Variants in ADGRL3 observed in about 807,000 individuals in gnomAD.
ADGRL3 encodes the protein calcium-independent alpha-latrotoxin receptor 3.
Under a neutral mutation model 153.5 loss-of-function variants are expected in ADGRL3, and 62 were observed. The ratio of observed to expected loss-of-function variants is 0.40; its 90% CI spans 0.33 to 0.50. ADGRL3 has a LOEUF of 0.50. Ranked by LOEUF, ADGRL3 falls within the 20% of genes least tolerant of loss-of-function variation. The probability of loss-of-function intolerance (pLI) is 0.47; values close to 1 mark genes in which losing one functional copy is unlikely to be tolerated. For synonymous variants in ADGRL3, 710 were observed against 672.5 expected, an observed-to-expected ratio of 1.06 and a Z score of -0.86; for missense variants, 1,641 against 1,859.4, an observed-to-expected ratio of 0.88 and a Z score of 2.16.
intron 1 of ADGRL3, among the ~76,000 whole-genome samples, chr4:61,301,817 A>T (rs1177660775): frequency 1.3e-5 from 2 of 152,178 alleles, no homozygotes; most frequent in African/African-American, 4.8e-5. Context: ...AAAAGAACAT[A>T]AAAAATTGTA....
At chr4:61,756,182 G>A (rs1279681225) in intron 8 of ADGRL3, among the ~76,000 whole-genome samples, 3 of 152,122 alleles carry the variant, frequency 2.0e-5, no homozygotes, top group Non-Finnish European at 4.4e-5. Context: ...TGATGGGGAT[G>A]GCGTTGAATC....
chr4:61,222,554 C>G (rs1283709729), intron 1 of ADGRL3, among the ~76,000 whole-genome samples: 1 of 152,034 alleles, frequency 6.6e-6, no homozygotes, highest in Non-Finnish European at 1.5e-5. Context: ...GAAAACAACT[C>G]TGGACTAACA....
At chr4:61,555,241 GC>G (rs1253005254) in intron 4 of ADGRL3, among the ~76,000 whole-genome samples, 1 of 152,072 alleles carries the variant, frequency 6.6e-6, no homozygotes, top group African/African-American at 2.4e-5. Flanking sequence ...TTTGGGGATG[GC>G]ATATTTTGAT....
At position 61,677,453 on chromosome 4, in the gene ADGRL3, T is replaced by C. The variant is rs763844761; in HGVS notation, c.583+518T>C. The C allele has an allele frequency of 6.6e-5, 21 of 320,446 alleles. No homozygotes were observed. In the Middle Eastern group the frequency reaches 1.9e-3, roughly 29 times the overall value. 19.9% of individuals were successfully genotyped at this position (320,446 alleles called of 1,614,324 possible). ...GAAGTACTCTTCAGACTATATGTTT[T>C]ACAGCTTCAAGAAGTATGTCTTTGC... On this transcript the variant is annotated intron_variant, in intron 6 of 26. Coordinates refer to ENST00000683033, the MANE Select transcript of ADGRL3 (RefSeq NM_001387552.1).
In ADGRL3 at chr4:62,034,952, C is replaced by G. The variant is rs920028749; in HGVS notation, c.3592-2779C>G. Among the ~76,000 whole-genome samples, 24 of 151,894 alleles carry G rather than the reference C, an allele frequency of 1.6e-4. 1 individual carries two copies. The highest frequency in any genetic ancestry group is 6.8e-3 in the Middle Eastern group (2 of 294). ...TATTCTCTTTCCTGTCTTCTATATT[C>G]TAGAACAGCATCACACTAAAATAGG... On this transcript the variant is annotated intron_variant, in intron 23 of 26. Transcript: ENST00000683033.
chr4:62,004,040 A>G (rs192320147), intron 21 of ADGRL3, among the ~76,000 whole-genome samples: 2 of 152,112 alleles, frequency 1.3e-5, no homozygotes, highest in Admixed American at 1.3e-4. Context: ...TTTAAGAAAC[A>G]TGTGTCTAAA....
At chr4:62,042,239 T>G (rs774477439) in intron 24 of ADGRL3, among the ~76,000 whole-genome samples, 1 of 151,888 alleles carries the variant, frequency 6.6e-6, no homozygotes, top group Non-Finnish European at 1.5e-5. Context: ...CATTAAATAT[T>G]AGACATTAAA....
chr4:61,806,234 C>T (rs937958220), intron 8 of ADGRL3, among the ~76,000 whole-genome samples: 1 of 151,988 alleles, frequency 6.6e-6, no homozygotes, highest in Non-Finnish European at 1.5e-5. Context: ...ATTTAGGTTA[C>T]TATTCCAATA....
chr4:62,047,396 C>A (rs1278582023), intron 25 of ADGRL3, among the ~76,000 whole-genome samples: 1 of 152,044 alleles, frequency 6.6e-6, no homozygotes, highest in Admixed American at 6.6e-5. Flanking sequence ...CAATCATTAT[C>A]ATCTTTAGGA....
At chr4:61,606,643 T>C (rs1187940901) in intron 5 of ADGRL3, among the ~76,000 whole-genome samples, 1 of 152,158 alleles carries the variant, frequency 6.6e-6, no homozygotes, top group Admixed American at 6.6e-5. Flanking sequence ...TCTTCAAATA[T>C]AGTCACATTG....
chr4:61,691,358 G>A (rs1304626648), intron 6 of ADGRL3, among the ~76,000 whole-genome samples: 4 of 152,104 alleles, frequency 2.6e-5, no homozygotes. Context: ...TGAAGATCTA[G>A]GACTGATAGG....
At chr4:61,370,822 C>G (rs1484152726) in intron 1 of ADGRL3, among the ~76,000 whole-genome samples, 1 of 152,068 alleles carries the variant, frequency 6.6e-6, no homozygotes, top group African/African-American at 2.4e-5. Flanking sequence ...CTAATATTGA[C>G]AGTGGGATGT....
At chr4:61,935,162 G>A (rs2098832926) in intron 14 of ADGRL3, 139 bp downstream of exon 14, 1 of 696,116 alleles carries the variant, frequency 1.4e-6, no homozygotes, top group Non-Finnish European at 2.4e-6. Flanking sequence ...CTAAAATAAA[G>A]AGGGCATCAC....
intron 21 of ADGRL3, among the ~76,000 whole-genome samples, chr4:62,006,053 A>AG (rs578080568): frequency 4.5e-5 from 5 of 111,312 alleles, no homozygotes; most frequent in Admixed American, 9.7e-5. Context: ...TTTTTGAGAA[A>AG]GGGTTTTGCT....
intron 24 of ADGRL3, among the ~76,000 whole-genome samples, chr4:62,041,433 TA>T (rs1385873731): frequency 2.6e-5 from 4 of 152,090 alleles, no homozygotes; most frequent in Non-Finnish European, 4.4e-5. Flanking sequence ...TGCTTTTTAT[TA>T]TATAATATTT....
At chr4:61,388,187 G>C (rs540858997) in intron 2 of ADGRL3, among the ~76,000 whole-genome samples, 1 of 152,232 alleles carries the variant, frequency 6.6e-6, no homozygotes, top group African/African-American at 2.4e-5. Context: ...AGTCAATAGA[G>C]GACCTTGGGC....
intron 9 of ADGRL3, among the ~76,000 whole-genome samples, chr4:61,857,055 TCC>T (rs1353690589): frequency 2.7e-5 from 4 of 150,156 alleles, no homozygotes; most frequent in Non-Finnish European, 5.9e-5. Flanking sequence ...TCTCCCTCCC[TCC>T]CTCTCTCTCT....
intron 17 of ADGRL3, among the ~76,000 whole-genome samples, chr4:61,961,880 T>C (rs2098989165): frequency 6.6e-6 from 1 of 152,228 alleles, no homozygotes; most frequent in Admixed American, 6.5e-5. Flanking sequence ...TCCACTCTTT[T>C]ACAGAACTTT....
intron 1 of ADGRL3, among the ~76,000 whole-genome samples, chr4:61,210,523 T>C (rs1219387665): frequency 7.0e-6 from 1 of 142,244 alleles, no homozygotes; most frequent in Non-Finnish European, 1.6e-5. Context: ...CAGTCTCCTG[T>C]TTTGTTTTGA....
Sources: allele counts gnomAD v4.1 joint callset (sites outside exome capture counted in the v4.1 genomes callset), GRCh38; gene constraint gnomAD v4.1.1; transcripts MANE v1.5; gene names NCBI Gene and HGNC (gene_info 2026-07-23, HGNC 2026-07-21).